Variants in TLK1 observed in about 807,000 individuals in gnomAD.
TLK1 encodes the protein serine/threonine-protein kinase tousled-like 1.
A neutral mutation model predicts 105.3 loss-of-function variants in TLK1; 24 were observed. The observed-to-expected ratio is 0.23, with a 90% CI of 0.17 to 0.32. The LOEUF (loss-of-function observed/expected upper bound fraction) is 0.32. Ranked by LOEUF, TLK1 falls within the 10% of genes least tolerant of loss-of-function variation. The pLI is 1.00. For missense variants in TLK1, 558 were observed against 910.5 expected (o/e 0.61, Z 4.98); for synonymous variants, 321 against 310.4 (o/e 1.03, Z -0.36).
intron 1 of TLK1, among the ~76,000 whole-genome samples, chr2:171,206,338 A>G (rs1693505940): frequency 6.6e-6 from 1 of 152,224 alleles, no homozygotes; most frequent in African/African-American, 2.4e-5. Flanking sequence ...GAAAAGAGAA[A>G]GTTGTGAAAT....
intron 1 of TLK1, among the ~76,000 whole-genome samples, chr2:171,144,227 T>C (rs1575626142): frequency 1.3e-5 from 2 of 149,786 alleles, no homozygotes; most frequent in Non-Finnish European, 3.0e-5. Flanking sequence ...CCAAGAACAA[T>C]AGTTGGAAGA....
chr2:171,013,645 ATAAC>A (rs1685038141), intron 13 of TLK1, among the ~76,000 whole-genome samples: 1 of 152,302 alleles, frequency 6.6e-6, no homozygotes, highest in East Asian at 1.9e-4. Context: ...AGGTTATTCC[ATAAC>A]TATTTCTTTC....
In TLK1 at chr2:171,056,629, T is replaced by C. The variant is rs1240169861; in HGVS notation, c.454-63A>G. ...AGCAGGCTCAGACAGTTATTTCAGA[T>C]ATGACATTAAGAATTAATCTAAATA... is the stretch of plus-strand genomic sequence containing the variant. On this transcript the variant is annotated intron_variant, in intron 5 of 20. Transcript: ENST00000431350. 3 of 1,339,914 alleles carry C rather than the reference T, an allele frequency of 2.2e-6. No individual in the cohort carries two copies. In the South Asian group the frequency reaches 3.6e-5, roughly 16 times the overall value. 83.0% of individuals were successfully genotyped at this position (1,339,914 alleles called of 1,614,324 possible). A position where few individuals can be genotyped will look rare whatever the true frequency, so the allele number is the denominator to read the frequency against.
Position 171,112,063 on chromosome 2 carries a change from T to C in TLK1, c.258+5676A>G, listed in dbSNP as rs181247816. On this transcript the variant is annotated intron_variant, in intron 2 of 20. Transcript: ENST00000431350. ...GCCTGCCGAGTTCAAGCAATTCTCCTGCCTCAGCCTCCCAAGTAGCTGGGA... is the reference window on the plus strand; with the variant it reads ...GCCTGCCGAGTTCAAGCAATTCTCCCGCCTCAGCCTCCCAAGTAGCTGGGA... Among the ~76,000 whole-genome samples the C allele has an allele frequency of 2.1e-3, 318 of 152,316 alleles. 2 individuals carry two copies. Among genetic ancestry groups the C allele is most frequent in the Middle Eastern group, 0.014 (4 of 294 alleles).
chr2:171,090,033 A>G (rs915653923), intron 2 of TLK1, among the ~76,000 whole-genome samples: 1 of 152,172 alleles, frequency 6.6e-6, no homozygotes, highest in Non-Finnish European at 1.5e-5. Context: ...TGAAGCTACA[A>G]ATCGATTTAG....
chr2:171,175,220 G>A (rs1355119300), intron 1 of TLK1, among the ~76,000 whole-genome samples: 1 of 151,978 alleles, frequency 6.6e-6, no homozygotes, highest in Non-Finnish European at 1.5e-5. Context: ...ACTACAGAGT[G>A]AGATTGTTTC....
chr2:171,162,088 C>CT (rs1440848162), upstream of TLK1, among the ~76,000 whole-genome samples: 5 of 152,134 alleles, frequency 3.3e-5, no homozygotes, highest in African/African-American at 1.2e-4. Flanking sequence ...AGAAAAGAAC[C>CT]TTGATTGTCA....
At chr2:171,100,698 A>G (rs2105504375) in intron 2 of TLK1, among the ~76,000 whole-genome samples, 1 of 152,324 alleles carries the variant, frequency 6.6e-6, no homozygotes, top group Non-Finnish European at 1.5e-5. Flanking sequence ...ATGTGGAGAA[A>G]GTGGAACTCT....
At chr2:171,106,455 T>C (rs149727741) in intron 2 of TLK1, among the ~76,000 whole-genome samples, 1 of 152,272 alleles carries the variant, frequency 6.6e-6, no homozygotes, top group East Asian at 1.9e-4. Context: ...ACTCCATAAA[T>C]ATGTACAATT....
At position 171,024,226 on chromosome 2, in the gene TLK1, T is replaced by G. The variant is rs572987741; in HGVS notation, c.1236+4113A>C. ...TACTATATAGTTCTATTCTAAGAAT[T>G]CCTTAAGATATATTTTAAAATTATT... On this transcript the variant is annotated intron_variant, in intron 12 of 20. Coordinates refer to ENST00000431350, the MANE Select transcript of TLK1 (RefSeq NM_012290.5). Among the ~76,000 whole-genome samples, 268 of 152,272 alleles carry G rather than the reference T, an allele frequency of 1.8e-3. 1 individual carries two copies. The highest frequency in any genetic ancestry group is 0.012 in the South Asian group (58 of 4,822).
chr2:171,216,194 G>A (rs1384911535), intron 1 of TLK1, among the ~76,000 whole-genome samples: 1 of 152,052 alleles, frequency 6.6e-6, no homozygotes, highest in Non-Finnish European at 1.5e-5. Flanking sequence ...AAAAAAACAA[G>A]GGCCGGGTGC....
intron 1 of TLK1, among the ~76,000 whole-genome samples, chr2:171,141,139 T>C (rs1468723327): frequency 1.3e-5 from 2 of 152,134 alleles, no homozygotes; most frequent in African/African-American, 4.8e-5. Context: ...GTTTAATACA[T>C]GTATAACTGG....
In TLK1 at chr2:171,067,160, G is replaced by GTT. The variant is rs11399480; in HGVS notation, c.331-6006_331-6005dup. ...TGTATCACAGAATATGTGCACTTAGGTTTTTTTTTTTTTTTCTGAGACAGA... is the reference window on the plus strand; with the variant it reads ...TGTATCACAGAATATGTGCACTTAGGTTTTTTTTTTTTTTTTTCTGAGACAGA... On this transcript the variant is annotated intron_variant, in intron 3 of 20. Coordinates refer to ENST00000431350, the MANE Select transcript of TLK1 (RefSeq NM_012290.5). Among the ~76,000 whole-genome samples, 860 of 141,056 alleles carry GTT rather than the reference G, an allele frequency of 6.1e-3. 6 individuals carry two copies. The highest frequency in any genetic ancestry group is 0.017 in the East Asian group (81 of 4,808). The allele number at this position is 141,056 out of a possible 152,430, so 92.5% of individuals were successfully genotyped here.
At chr2:171,132,685 C>T (rs1203365689) in intron 1 of TLK1, among the ~76,000 whole-genome samples, 1 of 152,126 alleles carries the variant, frequency 6.6e-6, no homozygotes, top group Non-Finnish European at 1.5e-5. Context: ...TCAAGATCAG[C>T]TTGGGCCACA....
At position 171,071,578 on chromosome 2, in the gene TLK1, C is replaced by T. The variant is rs1299352749; in HGVS notation, c.331-10422G>A. Reference sequence around the variant, plus strand: ...CTGGGATTACAGGTGTGAGCCACCACGCCTGACCCCATTTGTCCATTTTTA... The same window carrying T: ...CTGGGATTACAGGTGTGAGCCACCATGCCTGACCCCATTTGTCCATTTTTA... On this transcript the variant is annotated intron_variant, in intron 3 of 20. Coordinates refer to ENST00000431350, the MANE Select transcript of TLK1 (RefSeq NM_012290.5). 5.3e-5 allele frequency among the ~76,000 whole-genome samples: 8 copies of T among 152,238 alleles called. 1 individual carries two copies. The East Asian group carries it at 5.8e-4, about 11-fold the overall frequency.
intron 1 of TLK1, among the ~76,000 whole-genome samples, chr2:171,216,302 C>T (rs1032417237): frequency 2.0e-5 from 3 of 152,110 alleles, no homozygotes; most frequent in Non-Finnish European, 4.4e-5. Context: ...CGGTGAAACC[C>T]TGTCTCTACT....
At position 171,142,650 on chromosome 2, in the gene TLK1, G is replaced by A. The variant is rs143538273; in HGVS notation, c.139+17640C>T. Among the ~76,000 whole-genome samples, 44 of 152,230 alleles carry A rather than the reference G, an allele frequency of 2.9e-4. 1 individual carries two copies. In the East Asian group the frequency reaches 5.6e-3, roughly 19 times the overall value. Reference sequence around the variant, plus strand: ...CAAAAACTGACAAATTAAACAGAGAGACAAATGTTATAATCATTTGGGGAT... The same window carrying A: ...CAAAAACTGACAAATTAAACAGAGAAACAAATGTTATAATCATTTGGGGAT... On this transcript the variant is annotated intron_variant, in intron 1 of 20. Transcript: ENST00000431350.
intron 1 of TLK1, among the ~76,000 whole-genome samples, chr2:171,155,341 A>G (rs1199494027): frequency 6.6e-6 from 1 of 152,184 alleles, no homozygotes; most frequent in African/African-American, 2.4e-5. Context: ...GGTTCTCTAA[A>G]ATGTCTTAAG....
At chr2:171,171,880 A>C (rs905776203) in intron 1 of TLK1, among the ~76,000 whole-genome samples, 2 of 152,212 alleles carry the variant, frequency 1.3e-5, no homozygotes, top group African/African-American at 4.8e-5. Context: ...ACTAAAGCTG[A>C]AATGTCCATA....
Sources: allele counts gnomAD v4.1 joint callset (sites outside exome capture counted in the v4.1 genomes callset), GRCh38; gene constraint gnomAD v4.1.1; transcripts MANE v1.5; gene names NCBI Gene and HGNC (gene_info 2026-07-23, HGNC 2026-07-21).